The following STAT4 variants were observed in gnomAD, a reference collection of about 807,000 sequenced individuals.
STAT4 encodes the protein signal transducer and activator of transcription 4.
A neutral mutation model predicts 110.5 loss-of-function variants in STAT4; 42 were observed. The observed-to-expected ratio is 0.38, with a 90% CI of 0.30 to 0.49. STAT4 has a LOEUF of 0.49. Among genes scored for constraint, STAT4 ranks in the 20% least tolerant of loss-of-function variants. The pLI, the probability that STAT4 is intolerant of heterozygous loss-of-function variation, is 0.95. For synonymous variants in STAT4, 284 were observed against 302.2 expected (o/e 0.94, Z 0.63); for missense variants, 632 against 887.9 (o/e 0.71, Z 3.66).
intron 18 of STAT4, 33 bp from the exon 19 acceptor site, chr2:191,034,038 A>T: frequency 7.2e-7 from 1 of 1,382,364 alleles, no homozygotes; most frequent in East Asian, 2.3e-5. Context: ...TAAGACAATG[A>T]TTATTTAAGT....
chr2:191,046,384 C>T lies in STAT4; in HGVS notation c.1252-5236G>A, dbSNP rs1696354107. Reference sequence around the variant, plus strand: ...GCCATCTTGAGCCATTGCCTGTCCCCTTTGCTTCTACCTCTGTGAAGGGCC... The same window carrying T: ...GCCATCTTGAGCCATTGCCTGTCCCTTTTGCTTCTACCTCTGTGAAGGGCC... On this transcript the variant is annotated intron_variant, in intron 14 of 23. Coordinates refer to ENST00000392320, the MANE Select transcript of STAT4 (RefSeq NM_003151.4). This position sits in a 1 kb window ranked among gnomAD's most constrained non-coding sequence, Gnocchi z 4.6. Among the ~76,000 whole-genome samples, 1 of 152,220 alleles carries T rather than the reference C, an allele frequency of 6.6e-6. No homozygotes were observed.
chr2:191,104,000 G>A (rs148851359), intron 3 of STAT4, among the ~76,000 whole-genome samples: 2 of 152,274 alleles, frequency 1.3e-5, no homozygotes, highest in African/African-American at 4.8e-5. Context: ...ACCAAGGTTT[G>A]AGACTATGAG....
intron 14 of STAT4, among the ~76,000 whole-genome samples, chr2:191,041,879 A>G (rs1696208356): frequency 6.6e-6 from 1 of 152,194 alleles, no homozygotes; most frequent in Admixed American, 6.5e-5. Flanking sequence ...TTTGGAGTGG[A>G]TGAGTCAGAG....
At chr2:191,128,137 G>A (rs1353364660) in intron 3 of STAT4, among the ~76,000 whole-genome samples, 1 of 152,068 alleles carries the variant, frequency 6.6e-6, no homozygotes, top group African/African-American at 2.4e-5. Flanking sequence ...TGACATCATG[G>A]TATTATCTTA....
chr2:191,076,115 A>G (rs1161870772), intron 4 of STAT4, 112 bp downstream of exon 4: 8 of 841,272 alleles, frequency 9.5e-6, no homozygotes, highest in Non-Finnish European at 1.5e-5. Context: ...TTGCCTCCCA[A>G]AGTGTTAGGA....
chr2:191,079,235 T>TCACACACACACACACA (rs147894714), intron 3 of STAT4, among the ~76,000 whole-genome samples: 104,306 of 151,100 alleles, frequency 0.69, 40,098 homozygotes, highest in East Asian at 0.89. Flanking sequence ...ACTTGTCAAG[T>TCACACACACACACACA]CACGCACACA....
chr2:191,143,901 G>C lies in STAT4; in HGVS notation c.273+2712C>G, dbSNP rs1420760537. On this transcript the variant is annotated intron_variant, in intron 3 of 23. Coordinates refer to ENST00000392320, the MANE Select transcript of STAT4 (RefSeq NM_003151.4). The surrounding 1 kb of genome is among the most constrained non-coding windows in gnomAD (Gnocchi z 5.6). ...ACACAACTTAATGGGATTATAGTAG[G>C]TTAAAAAGAAGCATAAAACTCAGGT... Among the ~76,000 whole-genome samples, 1 of 152,084 alleles carries C rather than the reference G, an allele frequency of 6.6e-6. No homozygotes were observed. The highest frequency in any genetic ancestry group is 1.5e-5 in the Non-Finnish European group (1 of 68,022).
At position 191,030,057 on chromosome 2, in the gene STAT4, C is replaced by T. The variant is rs1424401552; in HGVS notation, c.2221-191G>A. ...TCAGTCTAAAATAAAAGGTACCTTT[C>T]AAGGAGACAGAAAAGTGTTTTAAGA... On this transcript the variant is annotated intron_variant, in intron 23 of 23. Coordinates refer to ENST00000392320, the MANE Select transcript of STAT4 (RefSeq NM_003151.4). The surrounding 1 kb of genome is among the most constrained non-coding windows in gnomAD (Gnocchi z 4.4). 2.0e-5 allele frequency among the ~76,000 whole-genome samples: 3 copies of T among 152,018 alleles called. No homozygotes were observed. Among genetic ancestry groups the T allele is most frequent in the Non-Finnish European group, 4.4e-5 (3 of 68,000 alleles).
In STAT4 at chr2:191,109,455, C is replaced by T. The variant is rs78299084; in HGVS notation, c.274-33130G>A. 1.5e-3 allele frequency among the ~76,000 whole-genome samples: 227 copies of T among 151,976 alleles called. 4 individuals carry two copies. The East Asian group carries it at 0.042, about 28-fold the overall frequency. On this transcript the variant is annotated intron_variant, in intron 3 of 23. Coordinates refer to ENST00000392320, the MANE Select transcript of STAT4 (RefSeq NM_003151.4). Reference sequence around the variant, plus strand: ...GGCTCTGTGTTCGGTTTGTCTATTCCCACTCTTATCTCATGTAGTCTCCCT... The same window carrying T: ...GGCTCTGTGTTCGGTTTGTCTATTCTCACTCTTATCTCATGTAGTCTCCCT...
intron 3 of STAT4, among the ~76,000 whole-genome samples, chr2:191,100,771 T>C (rs1218523705): frequency 6.6e-6 from 1 of 151,112 alleles, no homozygotes; most frequent in African/African-American, 2.4e-5. Context: ...TTTTTTATAT[T>C]CACATATAAA....
rs761612692 is a variant in STAT4 at position 191,069,793 on chromosome 2, C to T, written c.466-22G>A. The stretch of plus-strand genomic sequence containing the variant: ...TCATCTTTTCACAAAAGAAAACATA[C>T]TCACTCTGCTGTCACAATTAAGCAT... On this transcript the variant is annotated intron_variant, in intron 5 of 23. Transcript: ENST00000392320. 3.8e-6 allele frequency: 6 copies of T among 1,564,364 alleles called. No individual in the cohort carries two copies. The African/African-American group carries it at 5.5e-5, about 14-fold the overall frequency.
chr2:191,076,146 A>T, intron 4 of STAT4, 81 bp downstream of exon 4: 1 of 1,184,252 alleles, frequency 8.4e-7, no homozygotes, highest in Non-Finnish European at 1.3e-6. Context: ...GAGCCACTGT[A>T]CCCTACCAAA....
At position 191,035,790 on chromosome 2, in the gene STAT4, G is replaced by C. The variant is rs1696026759; in HGVS notation, c.1570+374C>G. Among the ~76,000 whole-genome samples the C allele has an allele frequency of 6.6e-6, 1 of 152,178 alleles. No homozygotes were observed. The highest frequency in any genetic ancestry group is 1.5e-5 in the Non-Finnish European group (1 of 68,022). On this transcript the variant is annotated intron_variant, in intron 17 of 23. Coordinates refer to ENST00000392320, the MANE Select transcript of STAT4 (RefSeq NM_003151.4). This position sits in a 1 kb window ranked among gnomAD's most constrained non-coding sequence, Gnocchi z 4.7. Reference sequence around the variant, plus strand: ...AACGATCATATGAGGCACCATTAAGGGTTCACCTCATATTTAGTGGAAATA... The same window carrying C: ...AACGATCATATGAGGCACCATTAAGCGTTCACCTCATATTTAGTGGAAATA...
At chr2:191,087,315 T>C (rs2125299137) in intron 3 of STAT4, among the ~76,000 whole-genome samples, 1 of 152,328 alleles carries the variant, frequency 6.6e-6, no homozygotes, top group African/African-American at 2.4e-5. Context: ...TTTTAATGCG[T>C]GAAACCTGTT....
chr2:191,032,922 AG>A lies in STAT4; in HGVS notation c.2044+35del, dbSNP rs965363500. On this transcript the variant is annotated intron_variant, in intron 21 of 23. Coordinates refer to ENST00000392320, the MANE Select transcript of STAT4 (RefSeq NM_003151.4). The surrounding 1 kb of genome is among the most constrained non-coding windows in gnomAD (Gnocchi z 4.9). ...TATGAGGTTATTTTCCAAAATCTTAAGGAAAAAAAAACAAAAACAAACAGAA... is the reference window on the plus strand; with the variant it reads ...TATGAGGTTATTTTCCAAAATCTTAAGAAAAAAAAACAAAAACAAACAGAA... 6.4e-6 allele frequency: 10 copies of A among 1,562,308 alleles called. No individual in the cohort carries two copies. Among genetic ancestry groups the A allele is most frequent in the East Asian group, 4.5e-5 (2 of 44,640 alleles).
intron 3 of STAT4, among the ~76,000 whole-genome samples, chr2:191,137,116 G>A (rs1699201913): frequency 1.3e-5 from 2 of 152,326 alleles, no homozygotes; most frequent in East Asian, 3.9e-4. Flanking sequence ...GCCAAGGTGG[G>A]CGGATCACCT....
chr2:191,111,032 T>G (rs1698408739), intron 3 of STAT4, among the ~76,000 whole-genome samples: 1 of 152,174 alleles, frequency 6.6e-6, no homozygotes. Context: ...GTGATCCACT[T>G]GCTTCGGCCT....
intron 3 of STAT4, among the ~76,000 whole-genome samples, chr2:191,114,527 G>T (rs1698521944): frequency 1.3e-5 from 2 of 152,166 alleles, no homozygotes; most frequent in African/African-American, 4.8e-5. Flanking sequence ...AAGTTTAACA[G>T]GAAGTCACAA....
chr2:191,092,001 T>C lies in STAT4; in HGVS notation c.274-15676A>G, dbSNP rs140258833. Among the ~76,000 whole-genome samples the C allele has an allele frequency of 9.4e-4, 143 of 152,154 alleles. 1 individual carries two copies. Among genetic ancestry groups the C allele is most frequent in the Middle Eastern group, 6.8e-3 (2 of 294 alleles). On this transcript the variant is annotated intron_variant, in intron 3 of 23. Coordinates refer to ENST00000392320, the MANE Select transcript of STAT4 (RefSeq NM_003151.4). ...TGGAATAAAATATTAAATAAGAAAA[T>C]TAATGTATGAAAAGATGGTTTTTCA...
Sources: gnomAD v4.1 joint callset for allele counts (sites outside exome capture counted in the v4.1 genomes callset) on GRCh38, gnomAD v4.1.1 for gene constraint, Gnocchi (gnomAD v3.1) non-coding constraint, MANE v1.5 for transcripts, NCBI Gene and HGNC (gene_info 2026-07-23, HGNC 2026-07-21) for gene names.